NEK5: variants seen among roughly 807,000 people sequenced by gnomAD.
The protein encoded by NEK5 is NIMA related kinase 5, also known as serine/threonine-protein kinase Nek5.
In NEK5, 88 loss-of-function variants were observed where a neutral mutation model predicts 109.2. The observed-to-expected ratio is 0.81, with a 90% CI of 0.68 to 0.96. The LOEUF (loss-of-function observed/expected upper bound fraction) is 0.96. NEK5 is among the 40% of genes least tolerant of loss of function. NEK5 has a pLI of 0.00. For synonymous variants in NEK5, 283 were observed against 299.9 expected, an observed-to-expected ratio of 0.94 and a Z score of 0.58; for missense variants, 834 against 920.7, an observed-to-expected ratio of 0.91 and a Z score of 1.22.
intron 23 of NEK5, among the ~76,000 whole-genome samples, chr13:52,037,460 G>T (rs1028163016): frequency 6.6e-6 from 1 of 151,884 alleles, no homozygotes; most frequent in African/African-American, 2.4e-5. Context: ...TTTAAGAGGA[G>T]AGGAAGAGAG....
At chr13:52,064,398 T>G (rs1400412372) in intron 21 of NEK5, among the ~76,000 whole-genome samples, 14 of 97,334 alleles carry the variant, frequency 1.4e-4, no homozygotes, top group Admixed American at 2.2e-4. Flanking sequence ...GTCCGGGAGG[T>G]GGGGGAGCCA....
intron 7 of NEK5, among the ~76,000 whole-genome samples, chr13:52,109,185 A>T (rs1429360748): frequency 3.3e-5 from 5 of 152,048 alleles, no homozygotes; most frequent in African/African-American, 1.2e-4. Context: ...CCCCCAACCA[A>T]CTCATAAACC....
chr13:52,048,768 A>C (rs1954479033), intron 23 of NEK5, among the ~76,000 whole-genome samples: 1 of 152,232 alleles, frequency 6.6e-6, no homozygotes, highest in South Asian at 2.1e-4. Flanking sequence ...GGAATCAAAA[A>C]CAATCGAACT....
chr13:52,090,631 C>A (rs558159047), intron 13 of NEK5, among the ~76,000 whole-genome samples: 2 of 152,302 alleles, frequency 1.3e-5, no homozygotes, highest in East Asian at 3.9e-4. Context: ...GTATCAATAT[C>A]TTCATGAGAA....
chr13:52,115,776 T>C (rs1955846090), intron 4 of NEK5, among the ~76,000 whole-genome samples: 1 of 152,168 alleles, frequency 6.6e-6, no homozygotes, highest in East Asian at 1.9e-4. Flanking sequence ...CATGGATCAC[T>C]GACACTTCAA....
intron 23 of NEK5, among the ~76,000 whole-genome samples, chr13:52,045,343 G>A (rs948011060): frequency 2.7e-5 from 4 of 150,012 alleles, no homozygotes; most frequent in African/African-American, 9.8e-5. Flanking sequence ...TGTTAGCCAG[G>A]ATGGTCTCGA....
chr13:52,102,622 G>A (rs758438551), intron 9 of NEK5, among the ~76,000 whole-genome samples: 18 of 152,164 alleles, frequency 1.2e-4, no homozygotes, highest in Admixed American at 2.0e-4. Flanking sequence ...AAGCCCAGGC[G>A]GTCAAAGCTG....
chr13:52,075,617 C>A lies in NEK5; in HGVS notation c.1722+141G>T. On this transcript the variant is annotated intron_variant, in intron 19 of 23. Transcript: ENST00000684899. ...CACACAACATATCCAGGTAACAAAC[C>A]TGCACATGTACCACCTGAATCTAAA... 3 of 619,928 alleles carry A rather than the reference C, an allele frequency of 4.8e-6. No individual in the cohort carries two copies. The South Asian group carries it at 5.9e-5, about 12-fold the overall frequency. The allele number at this position is 619,928 out of a possible 1,614,324, so 38.4% of individuals were successfully genotyped here. A position where few individuals can be genotyped will look rare whatever the true frequency, so the allele number is the denominator to read the frequency against.
intron 16 of NEK5, 27 bp downstream of exon 16, chr13:52,086,250 A>G: frequency 3.7e-6 from 5 of 1,350,976 alleles, no homozygotes; most frequent in East Asian, 2.3e-5. Context: ...CGATAGAACA[A>G]TGTTTCCCCT....
Position 52,061,843 on chromosome 13 carries a change from A to G in NEK5, c.2086T>C (p.Ser696Pro). ...CCAAATTCTTCATCGGCAGAAAATG[A>G]GCTACTCGTTAGATGTGCTGCTGCC... The part of the protein sequence containing the change: ...VLAAAHLTSS[S>P]FSADEEFAMG... Residue 696 changes from serine (S) to proline (P), a missense_variant, in exon 22 of 24, where the codon TCA becomes CCA. Ser to Pro is a moderately conservative substitution (Grantham distance 74). Transcript: ENST00000684899. 1.0e-6 allele frequency: 1 copy of G among 985,768 alleles called. No individual in the cohort carries two copies. Among genetic ancestry groups the G allele is most frequent in the South Asian group, 4.7e-5 (1 of 21,290 alleles). 61.1% of individuals were successfully genotyped at this position (985,768 alleles called of 1,614,324 possible).
intron 4 of NEK5, among the ~76,000 whole-genome samples, chr13:52,118,229 G>T (rs1307117302): frequency 6.6e-6 from 1 of 152,160 alleles, no homozygotes; most frequent in Admixed American, 6.5e-5. Flanking sequence ...AAGATATTGA[G>T]GTTAACACTT....
intron 19 of NEK5, among the ~76,000 whole-genome samples, chr13:52,075,293 A>G (rs1471913073): frequency 1.3e-5 from 2 of 152,218 alleles, no homozygotes; most frequent in Non-Finnish European, 2.9e-5. Context: ...ATGCAGCCAT[A>G]AAAAAGAATG....
intron 12 of NEK5, among the ~76,000 whole-genome samples, chr13:52,099,313 G>A (rs1477947672): frequency 1.3e-5 from 2 of 151,764 alleles, no homozygotes; most frequent in Non-Finnish European, 2.9e-5. Context: ...CAGGCTGATC[G>A]CAAGGTCAGG....
chr13:52,050,082 T>C lies in NEK5; in HGVS notation c.2228+22A>G, dbSNP rs1006589274. 3.4e-6 allele frequency: 3 copies of C among 884,650 alleles called. No homozygotes were observed. In the African/African-American group the frequency reaches 5.4e-5, roughly 16 times the overall value. 54.8% of individuals were successfully genotyped at this position (884,650 alleles called of 1,614,324 possible). On this transcript the variant is annotated intron_variant, in intron 23 of 23. Coordinates refer to ENST00000684899, the MANE Select transcript of NEK5 (RefSeq NM_001365552.1). Reference sequence around the variant, plus strand: ...ACTTTGTACCAGTGCTCGACTTAGGTATCGGCAAATGATCTACTTACGTAT... The same window carrying C: ...ACTTTGTACCAGTGCTCGACTTAGGCATCGGCAAATGATCTACTTACGTAT...
intron 9 of NEK5, among the ~76,000 whole-genome samples, chr13:52,104,222 CA>C (rs1318244650): frequency 6.6e-6 from 1 of 152,218 alleles, no homozygotes; most frequent in African/African-American, 2.4e-5. Context: ...CTCAGCCTCC[CA>C]AAGTGCTGGG....
intron 22 of NEK5, among the ~76,000 whole-genome samples, chr13:52,057,930 T>C (rs1282804834): frequency 1.3e-5 from 2 of 151,828 alleles, no homozygotes; most frequent in Admixed American, 6.6e-5. Flanking sequence ...CTATTCAACA[T>C]AGTGTTGGAA....
intron 16 of NEK5, among the ~76,000 whole-genome samples, chr13:52,084,354 A>C (rs887136016): frequency 2.6e-5 from 4 of 152,008 alleles, no homozygotes; most frequent in African/African-American, 9.7e-5. Context: ...AGTAGCTGGG[A>C]CTACAAGCAT....
chr13:52,064,080 C>G (rs1176676288), intron 21 of NEK5, among the ~76,000 whole-genome samples: 1 of 144,556 alleles, frequency 6.9e-6, no homozygotes, highest in African/African-American at 2.6e-5. Flanking sequence ...CGGCCAGCCA[C>G]CCCATCCGGG....
At chr13:52,054,243 T>C (rs1232787602) in intron 22 of NEK5, among the ~76,000 whole-genome samples, 2 of 152,260 alleles carry the variant, frequency 1.3e-5, no homozygotes, top group Non-Finnish European at 2.9e-5. Context: ...AGATGATGGC[T>C]AGATTTGTCC....
Sources: allele counts gnomAD v4.1 joint callset (sites outside exome capture counted in the v4.1 genomes callset), GRCh38; gene constraint gnomAD v4.1.1; transcripts MANE v1.5; gene names NCBI Gene and HGNC (gene_info 2026-07-23, HGNC 2026-07-21).